HDAC1: variants seen among roughly 807,000 people sequenced by gnomAD.
The protein encoded by HDAC1 is protein deacetylase HDAC1.
In HDAC1, 18 loss-of-function variants were observed where a neutral mutation model predicts 65.5. The observed-to-expected ratio is 0.27, with a 90% CI of 0.19 to 0.41. The LOEUF (loss-of-function observed/expected upper bound fraction) is 0.41, where lower values mean the gene tolerates loss of function less well. Among genes scored for constraint, HDAC1 ranks in the 10% least tolerant of loss-of-function variants. The probability of loss-of-function intolerance (pLI) is 1.00; values close to 1 mark genes in which losing one functional copy is unlikely to be tolerated. For synonymous variants in HDAC1, 211 were observed against 227.9 expected (o/e 0.93, Z 0.67); for missense variants, 373 against 625.2 (o/e 0.60, Z 4.30).
intron 1 of HDAC1, chr1:32,292,527 T>C (rs914642468): frequency 8.8e-5 from 62 of 706,708 alleles, no homozygotes; most frequent in Non-Finnish European, 1.0e-4. Flanking sequence ...GCGGGGAGGC[T>C]GAATCTGATG....
chr1:32,331,349 G>A lies in HDAC1; in HGVS notation c.980-125G>A, dbSNP rs1392447328. ...TACCCGTGTCTCACAGTGTCTTGGAGGCATTCTCCTCTGTTTGGATAAATA... is the reference window on the plus strand; with the variant it reads ...TACCCGTGTCTCACAGTGTCTTGGAAGCATTCTCCTCTGTTTGGATAAATA... On this transcript the variant is annotated intron_variant, in intron 9 of 13. Transcript: ENST00000373548. This position sits in a 1 kb window ranked among gnomAD's most constrained non-coding sequence, Gnocchi z 4.2. The A allele has an allele frequency of 6.1e-6, 4 of 653,058 alleles. No individual in the cohort carries two copies. 40.5% of individuals were successfully genotyped at this position (653,058 alleles called of 1,614,324 possible).
In HDAC1 at chr1:32,329,448, G is replaced by A. The variant is rs1454781256; in HGVS notation, c.729+288G>A. The A allele has an allele frequency of 7.6e-6, 4 of 525,048 alleles. No individual in the cohort carries two copies. Among genetic ancestry groups the A allele is most frequent in the Non-Finnish European group, 1.4e-5 (4 of 290,648 alleles). The allele number at this position is 525,048 out of a possible 1,614,324, so 32.5% of individuals were successfully genotyped here. On this transcript the variant is annotated intron_variant, in intron 7 of 13. Transcript: ENST00000373548. The surrounding 1 kb of genome is among the most constrained non-coding windows in gnomAD (Gnocchi z 4.1). ...GGCAGGCACATACCCAGTAGTCTAT[G>A]ATTAGTACTGTTTTTGTATCTCCAT...
rs112104314 is a variant in HDAC1 at position 32,321,230 on chromosome 1, C to CA, written c.281-3236dup. ...TGGGCAACAGAGCAAGACTCTGTCT[C>CA]AAAAAAAAAAAAATAATAATAATAA... On this transcript the variant is annotated intron_variant, in intron 3 of 13. Transcript: ENST00000373548. 4.5e-4 allele frequency among the ~76,000 whole-genome samples: 62 copies of CA among 136,358 alleles called. 1 individual carries two copies. The highest frequency in any genetic ancestry group is 3.8e-3 in the Middle Eastern group (1 of 264). The allele number at this position is 136,358 out of a possible 152,430, so 89.5% of individuals were successfully genotyped here.
intron 12 of HDAC1, 73 bp from the exon 13 acceptor site, chr1:32,332,628 C>G: frequency 9.2e-7 from 1 of 1,092,624 alleles, no homozygotes; most frequent in East Asian, 2.6e-5. Flanking sequence ...GAAGGGGTCT[C>G]AGGGTAAATG....
intron 2 of HDAC1, among the ~76,000 whole-genome samples, chr1:32,316,009 T>A (rs1359457806): frequency 7.0e-6 from 1 of 142,760 alleles, no homozygotes; most frequent in African/African-American, 2.6e-5. Flanking sequence ...AAGGTCGGGC[T>A]TGGTGGCTCA....
At position 32,292,157 on chromosome 1, in the gene HDAC1, G is replaced by C; in HGVS notation, c.-13G>C. 6.5e-7 allele frequency: 1 copy of C among 1,548,202 alleles called. No homozygotes were observed. The highest frequency in any genetic ancestry group is 8.7e-7 in the Non-Finnish European group (1 of 1,146,254). ...GACGGACCGACTGACGGTAGGGACG[G>C]GAGGCGAGCAAGATGGCGCAGACGC... On this transcript the variant is annotated 5_prime_UTR_variant, in exon 1 of 14. Transcript: ENST00000373548.
intron 2 of HDAC1, among the ~76,000 whole-genome samples, chr1:32,303,470 C>G (rs542013018): frequency 2.0e-5 from 3 of 151,614 alleles, no homozygotes; most frequent in Admixed American, 1.3e-4. Flanking sequence ...AAAAACAAAA[C>G]AAAACAAAAA....
At chr1:32,322,672 T>C (rs1641163497) in intron 3 of HDAC1, among the ~76,000 whole-genome samples, 1 of 152,224 alleles carries the variant, frequency 6.6e-6, no homozygotes, top group African/African-American at 2.4e-5. Context: ...TTCATTTCAT[T>C]TGCCTTATTG....
chr1:32,325,048 G>C (rs923551857), intron 4 of HDAC1, among the ~76,000 whole-genome samples: 2 of 152,078 alleles, frequency 1.3e-5, no homozygotes, highest in Admixed American at 6.6e-5. Flanking sequence ...GGTACTGACA[G>C]GTGTCCTTGA....
intron 2 of HDAC1, among the ~76,000 whole-genome samples, chr1:32,309,400 G>A (rs1397628318): frequency 6.6e-6 from 1 of 152,046 alleles, no homozygotes; most frequent in Non-Finnish European, 1.5e-5. Context: ...TTAAGAGACA[G>A]CCTTGGCTGG....
chr1:32,320,896 T>G (rs1326436948), intron 3 of HDAC1, among the ~76,000 whole-genome samples: 3 of 66,388 alleles, frequency 4.5e-5, no homozygotes, highest in African/African-American at 2.4e-4. Flanking sequence ...CAAGACTCCA[T>G]CTCAAAAAAA....
At chr1:32,305,276 C>T (rs1319791459) in intron 2 of HDAC1, among the ~76,000 whole-genome samples, 2 of 152,156 alleles carry the variant, frequency 1.3e-5, no homozygotes, top group South Asian at 2.1e-4. Flanking sequence ...TGGGGTTTGA[C>T]TATTGCAAAT....
In HDAC1 at chr1:32,324,565, T is replaced by C; in HGVS notation, c.355+12T>C. 1 of 1,581,336 alleles carries C rather than the reference T, an allele frequency of 6.3e-7. No homozygotes were observed. ...TGGTGGTTCTGTGGGTAAGGAATAT[T>C]CATCTTCTCCCCAGGGGTAGACTGG... On this transcript the variant is annotated intron_variant, in intron 4 of 13. Coordinates refer to ENST00000373548, the MANE Select transcript of HDAC1 (RefSeq NM_004964.3).
intron 1 of HDAC1, among the ~76,000 whole-genome samples, chr1:32,300,491 G>A (rs1433238144): frequency 6.6e-6 from 1 of 151,922 alleles, no homozygotes; most frequent in Non-Finnish European, 1.5e-5. Context: ...GGAGGCAGAG[G>A]TTGCACTGAG....
At chr1:32,320,385 C>T (rs2148066948) in intron 3 of HDAC1, among the ~76,000 whole-genome samples, 1 of 152,136 alleles carries the variant, frequency 6.6e-6, no homozygotes, top group Middle Eastern at 3.4e-3. Context: ...AAGTTCTGAC[C>T]TAATATTTAG....
intron 1 of HDAC1, among the ~76,000 whole-genome samples, chr1:32,294,892 C>T (rs987592577): frequency 8.6e-5 from 13 of 150,746 alleles, no homozygotes; most frequent in Non-Finnish European, 1.9e-4. Context: ...AACTCCTGTG[C>T]CTGGCCTCAA....
At chr1:32,311,297 A>G (rs545739905) in intron 2 of HDAC1, among the ~76,000 whole-genome samples, 6 of 152,158 alleles carry the variant, frequency 3.9e-5, no homozygotes, top group Non-Finnish European at 7.4e-5. Context: ...GTGAAACCCT[A>G]TCTCTACTAA....
chr1:32,315,918 T>C (rs141023700), intron 2 of HDAC1, among the ~76,000 whole-genome samples: 1 of 149,156 alleles, frequency 6.7e-6, no homozygotes, highest in African/African-American at 2.5e-5. Context: ...TGAGTCGAGA[T>C]CATGCCATTG....
chr1:32,297,088 T>G (rs528336569), intron 1 of HDAC1, among the ~76,000 whole-genome samples: 1 of 152,102 alleles, frequency 6.6e-6, no homozygotes, highest in South Asian at 2.1e-4. Context: ...AGAGGAGATT[T>G]AAATAGCTTT....
Sources: gnomAD v4.1 joint callset for allele counts (sites outside exome capture counted in the v4.1 genomes callset) on GRCh38, gnomAD v4.1.1 for gene constraint, Gnocchi (gnomAD v3.1) non-coding constraint, MANE v1.5 for transcripts, NCBI Gene and HGNC (gene_info 2026-07-23, HGNC 2026-07-21) for gene names.